PDCD11: variants seen among roughly 807,000 people sequenced by gnomAD.
PDCD11 encodes programmed cell death 11.
In PDCD11, 97 loss-of-function variants were observed where a neutral mutation model predicts 198.9. The ratio of observed to expected loss-of-function variants is 0.49; its 90% CI spans 0.41 to 0.58. The LOEUF is 0.58. PDCD11 is among the 20% of genes least tolerant of loss of function. PDCD11 has a pLI of 0.00. For missense variants in PDCD11, 2,102 were observed against 2,312.7 expected, an observed-to-expected ratio of 0.91 and a Z score of 1.87; for synonymous variants, 893 against 918.0, an observed-to-expected ratio of 0.97 and a Z score of 0.49.
intron 7 of PDCD11, among the ~76,000 whole-genome samples, chr10:103,409,381 C>T (rs568602621): frequency 1.7e-4 from 25 of 151,394 alleles, no homozygotes; most frequent in African/African-American, 6.1e-4. Context: ...ACAATCTATT[C>T]CAGTTGTCAG....
chr10:103,433,271 G>C (rs2032010218), intron 22 of PDCD11, among the ~76,000 whole-genome samples: 2 of 152,176 alleles, frequency 1.3e-5, no homozygotes, highest in Admixed American at 1.3e-4. Flanking sequence ...GAGGTGGGCA[G>C]ATCACTTCAG....
At position 103,423,152 on chromosome 10, in the gene PDCD11, CT is replaced by C. The variant is rs2031535803; in HGVS notation, c.2647+17del. ...CCATCGCGCAGGTGAGTGCTTCTGTCTTACCCATTGTGGTTGGTGGGAGGAC... is the reference window on the plus strand; with the variant it reads ...CCATCGCGCAGGTGAGTGCTTCTGTCTACCCATTGTGGTTGGTGGGAGGAC... On this transcript the variant is annotated intron_variant, in intron 18 of 35. Coordinates refer to ENST00000369797, the MANE Select transcript of PDCD11 (RefSeq NM_014976.2). 6.5e-7 allele frequency: 1 copy of C among 1,541,056 alleles called. No individual in the cohort carries two copies. The highest frequency in any genetic ancestry group is 8.7e-7 in the Non-Finnish European group (1 of 1,144,972).
At chr10:103,438,609 G>A (rs2032249294) in intron 26 of PDCD11, 77 bp from the exon 27 acceptor site, 42 of 1,570,962 alleles carry the variant, frequency 2.7e-5, no homozygotes, top group Non-Finnish European at 3.5e-5. Flanking sequence ...TACTAAGTAT[G>A]ATGGTTGCAG....
Position 103,427,685 on chromosome 10 carries a change from A to G in PDCD11, c.3368+294A>G, listed in dbSNP as rs1234842708. On this transcript the variant is annotated intron_variant, in intron 21 of 35. Transcript: ENST00000369797. ...ATTTTTGCTCTCAACCCAATTTTCT[A>G]TAACTCAGTAATTCCCTAAATAAGC... Among the ~76,000 whole-genome samples the G allele has an allele frequency of 4.6e-5, 7 of 152,218 alleles. No individual in the cohort carries two copies. In the East Asian group the frequency reaches 5.8e-4, roughly 13 times the overall value.
intron 13 of PDCD11, among the ~76,000 whole-genome samples, chr10:103,417,106 A>C (rs2031154645): frequency 6.6e-6 from 1 of 152,234 alleles, no homozygotes; most frequent in Non-Finnish European, 1.5e-5. Flanking sequence ...TTATTCCTTT[A>C]AACGACTTTA....
intron 29 of PDCD11, 25 bp from the exon 30 acceptor site, chr10:103,440,709 G>A: frequency 6.2e-7 from 1 of 1,612,930 alleles, no homozygotes; most frequent in Non-Finnish European, 8.5e-7. Context: ...GATGCTCCTA[G>A]GCATTCTCCC....
chr10:103,397,506 G>C (rs1025086738), intron 1 of PDCD11, among the ~76,000 whole-genome samples: 18 of 152,184 alleles, frequency 1.2e-4, no homozygotes, highest in Non-Finnish European at 2.6e-4. Context: ...CATGATCTCA[G>C]CTCACTGCAA....
rs1190350178 is a variant in PDCD11, at chr10:103,416,481, C to T, written c.1519-10C>T. ...AGATAACTTGATGACAGCCTGTGTC[C>T]CTCCCCTAGGTTTTGCTTTGTGACC... On this transcript the variant is annotated splice_polypyrimidine_tract_variant and intron_variant, in intron 12 of 35. Coordinates refer to ENST00000369797, the MANE Select transcript of PDCD11 (RefSeq NM_014976.2). The T allele has an allele frequency of 2.5e-6, 4 of 1,613,210 alleles. No homozygotes were observed. Among genetic ancestry groups the T allele is most frequent in the South Asian group, 2.2e-5 (2 of 91,018 alleles).
intron 27 of PDCD11, among the ~76,000 whole-genome samples, chr10:103,439,222 G>GT (rs1205179707): frequency 6.6e-6 from 1 of 152,248 alleles, no homozygotes; most frequent in East Asian, 1.9e-4. Context: ...TGAGCCTGTA[G>GT]TCCCAGCTAT....
intron 16 of PDCD11, 124 bp downstream of exon 16, chr10:103,419,832 C>T: frequency 1.2e-6 from 1 of 842,322 alleles, no homozygotes. Flanking sequence ...TTCTGTCGCC[C>T]AGGCTGGCTT....
rs1400436522 is a variant in PDCD11, at chr10:103,419,659, G to A, written c.2228G>A (p.Gly743Asp). The A allele has an allele frequency of 1.1e-5, 18 of 1,614,028 alleles. No individual in the cohort carries two copies. Among genetic ancestry groups the A allele is most frequent in the Non-Finnish European group, 1.5e-5 (18 of 1,180,024 alleles). The change falls in exon 16 of 36, where the codon GGC becomes GAC. Residue 743 changes from glycine to aspartate, a missense_variant. Transcript: ENST00000369797. ...IGFVKSIKDY[G>D]VFIQFPSGLS... The stretch of plus-strand genomic sequence containing the variant: ...TTTGTGAAGAGCATCAAGGACTATG[G>A]CGTGTTCATCCAGTTCCCCTCAGGT...
chr10:103,429,812 G>A (rs996060476), intron 21 of PDCD11, among the ~76,000 whole-genome samples: 3 of 151,886 alleles, frequency 2.0e-5, no homozygotes, highest in African/African-American at 4.8e-5. Flanking sequence ...CCTCTCTTCC[G>A]CCCCGGCAAC....
At chr10:103,417,012 G>A (rs558528188) in intron 13 of PDCD11, among the ~76,000 whole-genome samples, 1 of 152,172 alleles carries the variant, frequency 6.6e-6, no homozygotes, top group Non-Finnish European at 1.5e-5. Context: ...TCTCATATCG[G>A]AAATTGTTTT....
At position 103,421,378 on chromosome 10, in the gene PDCD11, A is replaced by G; in HGVS notation, c.2308A>G (p.Ser770Gly). 1 of 1,609,846 alleles carries G rather than the reference A, an allele frequency of 6.2e-7. No individual in the cohort carries two copies. Among genetic ancestry groups the G allele is most frequent in the Non-Finnish European group, 8.5e-7 (1 of 1,177,938 alleles). The change falls in exon 17 of 36, where the codon AGT becomes GGT. Residue 770 changes from serine (S) to glycine (G), a missense_variant. Physicochemically the swap from Ser to Gly is moderately conservative, Grantham distance 56. Coordinates refer to ENST00000369797, the MANE Select transcript of PDCD11 (RefSeq NM_014976.2). ...GAGTGACAAATTTGTGACCTCCACA[A>G]GTGACCACTTTGTTGAGGGCCAGAC... ...IMSDKFVTST[S>G]DHFVEGQTVA...
At chr10:103,420,686 A>G (rs1483823659) in intron 16 of PDCD11, among the ~76,000 whole-genome samples, 1 of 152,140 alleles carries the variant, frequency 6.6e-6, no homozygotes, top group African/African-American at 2.4e-5. Flanking sequence ...ATCCCCTGCC[A>G]GAAACATTTT....
In PDCD11 at chr10:103,416,539, A is replaced by G. The variant is rs752416159; in HGVS notation, c.1567A>G (p.Lys523Glu). The change falls in exon 13 of 36, where the codon AAA becomes GAA. Residue 523 changes from lysine (K) to glutamate (E), a missense_variant. Coordinates refer to ENST00000369797, the MANE Select transcript of PDCD11 (RefSeq NM_014976.2). Reference protein sequence around the residue: ...EAKKLMMTLKKTLIESKLPVI... With the variant: ...EAKKLMMTLKETLIESKLPVI... ...CAAGAAGCTGATGATGACCCTGAAA[A>G]AAACCCTGATTGAGTCCAAACTACC... 4 of 1,614,190 alleles carry G rather than the reference A, an allele frequency of 2.5e-6. No homozygotes were observed. In the South Asian group the frequency reaches 3.3e-5, roughly 13 times the overall value.
chr10:103,434,020 A>G lies in PDCD11; in HGVS notation c.3547A>G (p.Thr1183Ala), dbSNP rs1343449483. 6.2e-6 allele frequency: 10 copies of G among 1,613,514 alleles called. No homozygotes were observed. Among genetic ancestry groups the G allele is most frequent in the Non-Finnish European group, 8.5e-6 (10 of 1,179,556 alleles). ...CCGGGGGAGAATTCCCTTATTGCTC[A>G]CTTCTCTGAGCTTCAAGGTCAGTGT... ...DIRGRIPLLL[T>A]SLSFKVLKHP... is the part of the protein sequence containing the mutation. The change falls in exon 23 of 36, where the codon ACT (threonine) becomes GCT (alanine). Residue 1183 changes from threonine to alanine, a missense_variant. Transcript: ENST00000369797.
rs183170424 is a variant in PDCD11, at chr10:103,401,940, T to C, written c.235-1178T>C. 7.5e-3 allele frequency among the ~76,000 whole-genome samples: 1,142 copies of C among 151,944 alleles called. 20 individuals are homozygous for C. The highest frequency in any genetic ancestry group is 0.074 in the South Asian group (355 of 4,794). ...TGTATTTTTGGTAGAGACGGGGCTT[T>C]ACCATGTTAGCCAGGATGGTCTCAA... On this transcript the variant is annotated intron_variant, in intron 3 of 35. Coordinates refer to ENST00000369797, the MANE Select transcript of PDCD11 (RefSeq NM_014976.2).
At position 103,406,714 on chromosome 10, in the gene PDCD11, C is replaced by A; in HGVS notation, c.794C>A (p.Ala265Asp). The change falls in exon 7 of 36, where the codon GCC (alanine) becomes GAC (aspartate). Residue 265 changes from alanine to aspartate, a missense_variant. Coordinates refer to ENST00000369797, the MANE Select transcript of PDCD11 (RefSeq NM_014976.2). ...LSVGHSEVST[A>D]IATEQQSWNL... ...GTTGGTCACTCAGAGGTTTCTACGG[C>A]CATTGCTACTGAACAGCAGAGCTGG... 6.2e-7 allele frequency: 1 copy of A among 1,614,042 alleles called. No homozygotes were observed. The highest frequency in any genetic ancestry group is 8.5e-7 in the Non-Finnish European group (1 of 1,179,942).
Sources: gnomAD v4.1 joint callset for allele counts (sites outside exome capture counted in the v4.1 genomes callset) on GRCh38, gnomAD v4.1.1 for gene constraint, MANE v1.5 for transcripts, NCBI Gene and HGNC (gene_info 2026-07-23, HGNC 2026-07-21) for gene names.